The following CRACD variants were observed in gnomAD, a reference collection of about 807,000 sequenced individuals.
The protein encoded by CRACD is capping protein-inhibiting regulator of actin dynamics.
CRACD carries 56 observed loss-of-function variants against 106.8 expected under a neutral mutation model. That is an observed-to-expected ratio of 0.52 (90% CI 0.42 to 0.66). The LOEUF is 0.66. CRACD is among the 30% of genes least tolerant of loss of function. The probability of loss-of-function intolerance (pLI) is 0.00; values close to 1 mark genes in which losing one functional copy is unlikely to be tolerated. For missense variants in CRACD, 1,730 were observed against 1,623.2 expected, an observed-to-expected ratio of 1.07 and a Z score of -1.13; for synonymous variants, 754 against 670.8, an observed-to-expected ratio of 1.12 and a Z score of -1.92.
chr4:56,278,208 T>C (rs1742788166), intron 3 of CRACD, among the ~76,000 whole-genome samples: 1 of 152,104 alleles, frequency 6.6e-6, no homozygotes, highest in South Asian at 2.1e-4. Context: ...CAAAACATTA[T>C]TGAAAAAGGA....
At chr4:56,225,534 A>G (rs2109522386) in intron 2 of CRACD, among the ~76,000 whole-genome samples, 1 of 151,290 alleles carries the variant, frequency 6.6e-6, no homozygotes, top group South Asian at 2.1e-4. Context: ...CCTTCCATTT[A>G]TTTCTCTCAT....
intron 1 of CRACD, among the ~76,000 whole-genome samples, chr4:56,108,171 A>G (rs1734007696): frequency 6.6e-6 from 1 of 152,218 alleles, no homozygotes; most frequent in African/African-American, 2.4e-5. Flanking sequence ...CTTCTCAATT[A>G]CAAAGGGAGA....
chr4:56,231,859 C>A (rs1290267754), intron 2 of CRACD, among the ~76,000 whole-genome samples: 4 of 152,282 alleles, frequency 2.6e-5, no homozygotes, highest in African/African-American at 9.6e-5. Context: ...TTTGACCCAG[C>A]AATTTAGGTA....
chr4:56,320,032 G>A (rs1316513610), intron 8 of CRACD, among the ~76,000 whole-genome samples: 1 of 151,968 alleles, frequency 6.6e-6, no homozygotes, highest in Non-Finnish European at 1.5e-5. Context: ...AATTAGCCAG[G>A]TGTGGTGGTG....
chr4:56,323,435 G>A lies in CRACD; in HGVS notation c.3246G>A (p.Val1082=), dbSNP rs1214648583. 2 of 1,611,480 alleles carry A rather than the reference G, an allele frequency of 1.2e-6. No individual in the cohort carries two copies. The highest frequency in any genetic ancestry group is 8.5e-7 in the Non-Finnish European group (1 of 1,179,372). ...SLDGSKLTEK[V]ETAQPLWITL... ...ATGGCTCCAAACTTACAGAGAAAGT[G>A]GAAACTGCTCAGCCGCTGTGGATAA... is the stretch of plus-strand genomic sequence containing the variant. Residue 1082 remains valine, a synonymous_variant, in exon 9 of 11, where the codon GTG becomes GTA. Transcript: ENST00000682029.
intron 1 of CRACD, among the ~76,000 whole-genome samples, chr4:56,093,282 A>G (rs752313728): frequency 6.6e-6 from 1 of 151,988 alleles, no homozygotes; most frequent in Non-Finnish European, 1.5e-5. Flanking sequence ...TCCTTTCCCC[A>G]CTTCCTGATG....
At chr4:56,255,133 A>AGT (rs764759876) in intron 2 of CRACD, among the ~76,000 whole-genome samples, 1 of 138,810 alleles carries the variant, frequency 7.2e-6, no homozygotes, top group Middle Eastern at 3.5e-3. Context: ...AAAAAAAAAA[A>AGT]ACTAAAAATT....
At chr4:56,201,258 C>T (rs559057472) in intron 2 of CRACD, among the ~76,000 whole-genome samples, 32 of 152,268 alleles carry the variant, frequency 2.1e-4, no homozygotes, top group Non-Finnish European at 3.2e-4. Context: ...GCTATGTATG[C>T]GGTGATGTGA....
intron 1 of CRACD, among the ~76,000 whole-genome samples, chr4:56,171,333 T>G (rs1406036882): frequency 6.6e-6 from 1 of 151,218 alleles, no homozygotes; most frequent in African/African-American, 2.4e-5. Context: ...TGAATAGTTA[T>G]CAGTGGAGGA....
At chr4:56,268,748 C>T (rs1369225602) in intron 2 of CRACD, among the ~76,000 whole-genome samples, 1 of 152,174 alleles carries the variant, frequency 6.6e-6, no homozygotes, top group South Asian at 2.1e-4. Context: ...TGGTGCCTTA[C>T]AGAATGTTTT....
At chr4:56,129,890 G>A (rs188261971) in intron 1 of CRACD, among the ~76,000 whole-genome samples, 4 of 152,164 alleles carry the variant, frequency 2.6e-5, no homozygotes, top group Non-Finnish European at 5.9e-5. Context: ...AGGGATGACT[G>A]TGAGTTTGAT....
At chr4:56,081,351 T>C (rs889987188) in intron 1 of CRACD, among the ~76,000 whole-genome samples, 2 of 152,248 alleles carry the variant, frequency 1.3e-5, no homozygotes, top group African/African-American at 4.8e-5. Flanking sequence ...AATGGGCTAA[T>C]TAATTTTCTG....
Position 56,316,107 on chromosome 4 carries a change from A to C in CRACD, c.2605A>C (p.Lys869Gln). The change falls in exon 8 of 11, where the codon AAG (lysine) becomes CAG (glutamine). Residue 869 changes from lysine to glutamine, a missense_variant. Physicochemically the swap from Lys to Gln is moderately conservative, Grantham distance 53. Transcript: ENST00000682029. Reference sequence around the variant, plus strand: ...CGACCAACAGGCAGAACAGAAGAAGAAGAAGAGGCACAGCAGCACCGGAGA... The same window carrying C: ...CGACCAACAGGCAGAACAGAAGAAGCAGAAGAGGCACAGCAGCACCGGAGA... ...NCDQQAEQKK[K>Q]KRHSSTGDSA... 6.2e-7 allele frequency: 1 copy of C among 1,614,162 alleles called. No individual in the cohort carries two copies. Among genetic ancestry groups the C allele is most frequent in the South Asian group, 1.1e-5 (1 of 91,090 alleles).
chr4:56,199,639 G>C (rs1158185776), intron 2 of CRACD, among the ~76,000 whole-genome samples: 1 of 142,802 alleles, frequency 7.0e-6, no homozygotes, highest in African/African-American at 2.6e-5. Context: ...CCAAGATGGT[G>C]CCACTGCACT....
intron 10 of CRACD, among the ~76,000 whole-genome samples, chr4:56,326,970 C>G (rs936105042): frequency 6.6e-6 from 1 of 152,030 alleles, no homozygotes; most frequent in Non-Finnish European, 1.5e-5. Context: ...GAACTCCTGA[C>G]CTCAAGTGAT....
intron 2 of CRACD, among the ~76,000 whole-genome samples, chr4:56,248,497 A>T (rs1179825577): frequency 1.4e-5 from 2 of 147,118 alleles, no homozygotes; most frequent in East Asian, 2.0e-4. Flanking sequence ...TCAATGCATT[A>T]TTTTTTTTTT....
chr4:56,128,599 T>G (rs893708389), intron 1 of CRACD, among the ~76,000 whole-genome samples: 1 of 152,144 alleles, frequency 6.6e-6, no homozygotes, highest in African/African-American at 2.4e-5. Flanking sequence ...ATGAAATTGA[T>G]GGATAAATGA....
Position 56,328,005 on chromosome 4 carries a change from G to T in CRACD, c.*201G>T. ...GCACAACCCTAGGTCCTGGTGCCTC[G>T]AGCTCCTCCTAGTTCTCAAGAGAAA... On this transcript the variant is annotated 3_prime_UTR_variant, in exon 11 of 11. Transcript: ENST00000682029. 2.0e-6 allele frequency: 1 copy of T among 494,000 alleles called. No homozygotes were observed. The highest frequency in any genetic ancestry group is 2.9e-5 in the South Asian group (1 of 34,810). 30.6% of individuals were successfully genotyped at this position (494,000 alleles called of 1,614,324 possible). A position where few individuals can be genotyped will look rare whatever the true frequency, so the allele number is the denominator to read the frequency against.
intron 2 of CRACD, among the ~76,000 whole-genome samples, chr4:56,234,595 T>C (rs557636124): frequency 6.6e-6 from 1 of 152,318 alleles, no homozygotes; most frequent in Non-Finnish European, 1.5e-5. Context: ...AAAAATATTA[T>C]TTTTGTAAAA....
Sources: allele counts gnomAD v4.1 joint callset (sites outside exome capture counted in the v4.1 genomes callset), GRCh38; gene constraint gnomAD v4.1.1; transcripts MANE v1.5; gene names NCBI Gene and HGNC (gene_info 2026-07-23, HGNC 2026-07-21).